The following TCF12 variants were observed in gnomAD, a reference collection of about 807,000 sequenced individuals.
TCF12 encodes the protein DNA-binding protein HTF4.
In TCF12, 45 loss-of-function variants were observed where a neutral mutation model predicts 86.0. That is an observed-to-expected ratio of 0.52 (90% CI 0.41 to 0.67). TCF12 has a LOEUF of 0.67. Among genes scored for constraint, TCF12 ranks in the 30% least tolerant of loss-of-function variants. The pLI, the probability that TCF12 is intolerant of heterozygous loss-of-function variation, is 0.00. For synonymous variants in TCF12, 330 were observed against 299.6 expected (o/e 1.10, Z -1.05); for missense variants, 881 against 859.9 (o/e 1.02, Z -0.31).
chr15:57,040,934 T>A (rs2066857924), intron 3 of TCF12, among the ~76,000 whole-genome samples: 1 of 152,200 alleles, frequency 6.6e-6, no homozygotes, highest in East Asian at 1.9e-4. Context: ...TTTTAACATT[T>A]CCTCATAGTG....
chr15:57,138,601 C>T (rs374894473), intron 5 of TCF12, among the ~76,000 whole-genome samples: 1 of 152,186 alleles, frequency 6.6e-6, no homozygotes, highest in African/African-American at 2.4e-5. Context: ...ACTTTATAAA[C>T]CATTCTAACA....
chr15:57,209,793 G>A (rs1307765852), intron 8 of TCF12, among the ~76,000 whole-genome samples: 1 of 152,092 alleles, frequency 6.6e-6, no homozygotes, highest in African/African-American at 2.4e-5. Context: ...TAAGACACCT[G>A]CCACCTTTCA....
intron 3 of TCF12, among the ~76,000 whole-genome samples, chr15:56,928,756 G>A (rs1182526244): frequency 2.0e-5 from 3 of 152,154 alleles, no homozygotes; most frequent in Non-Finnish European, 2.9e-5. Flanking sequence ...CCACTTGAAT[G>A]TAGCATTTTG....
intron 4 of TCF12, among the ~76,000 whole-genome samples, chr15:57,066,419 A>G (rs1266440209): frequency 3.3e-5 from 5 of 152,090 alleles, no homozygotes. Context: ...AAAATTTGTC[A>G]ACTTAAACAA....
intron 3 of TCF12, among the ~76,000 whole-genome samples, chr15:56,987,069 A>G (rs2063218529): frequency 1.3e-5 from 2 of 152,084 alleles, no homozygotes; most frequent in African/African-American, 4.8e-5. Context: ...TCTACTTGCA[A>G]CATGCAGTAA....
chr15:57,060,133 G>C (rs1177193160), intron 3 of TCF12, among the ~76,000 whole-genome samples: 3 of 152,132 alleles, frequency 2.0e-5, no homozygotes, highest in Non-Finnish European at 4.4e-5. Context: ...CCTTCTTTAA[G>C]GTATCAGCCT....
In TCF12 at chr15:56,957,701, A is replaced by G. The variant is rs116124095; in HGVS notation, c.148+36603A>G. Among the ~76,000 whole-genome samples the G allele has an allele frequency of 4.8e-3, 733 of 152,130 alleles. 8 individuals carry two copies. Among genetic ancestry groups the G allele is most frequent in the African/African-American group, 0.017 (704 of 41,520 alleles). The stretch of plus-strand genomic sequence containing the variant: ...TAATTGATTAATTTTGTCCCTCTAT[A>G]TGGTTTATACTTTTTTCTTTTTTAT... On this transcript the variant is annotated intron_variant, in intron 3 of 20. Coordinates refer to ENST00000333725, the MANE Select transcript of TCF12 (RefSeq NM_207037.2).
rs1236534665 is a variant in TCF12 at position 57,239,598 on chromosome 15, T to C, written c.1036-3874T>C. 2.7e-5 allele frequency among the ~76,000 whole-genome samples: 4 copies of C among 150,136 alleles called. No individual in the cohort carries two copies. In the East Asian group the frequency reaches 7.9e-4, roughly 30 times the overall value. On this transcript the variant is annotated intron_variant, in intron 12 of 20. Transcript: ENST00000333725. The stretch of plus-strand genomic sequence containing the variant: ...GGAAAGAGAGGGGAGTAACTAGAAA[T>C]ATAAACACTTAAGTAGTCCAGCCGC...
At chr15:57,062,513 T>C (rs2068534755) in intron 3 of TCF12, among the ~76,000 whole-genome samples, 1 of 152,162 alleles carries the variant, frequency 6.6e-6, no homozygotes, top group African/African-American at 2.4e-5. Context: ...ATAAAAATAA[T>C]AGAGTCCTAA....
At chr15:56,958,288 G>A (rs116111524) in intron 3 of TCF12, among the ~76,000 whole-genome samples, 1,759 of 152,248 alleles carry the variant, frequency 0.012, 32 homozygotes, top group African/African-American at 0.04. Context: ...TAGTAAGTTT[G>A]TGTGTTTGTG....
At chr15:56,995,231 CTTTTTTTTTTTTTTT>C (rs557610511) in intron 3 of TCF12, among the ~76,000 whole-genome samples, 9 of 30,282 alleles carry the variant, frequency 3.0e-4, no homozygotes, top group South Asian at 2.7e-3. Context: ...ATACCTGCAG[CTTTTTTTTTTTTTTT>C]TTTTTTTTTT....
chr15:57,132,753 C>T (rs1166559928), intron 5 of TCF12, among the ~76,000 whole-genome samples: 1 of 152,154 alleles, frequency 6.6e-6, no homozygotes, highest in Non-Finnish European at 1.5e-5. Context: ...ATCAGTTATT[C>T]ATAATACTAA....
chr15:57,263,133 G>T lies in TCF12; in HGVS notation c.1604G>T (p.Gly535Val). The change falls in exon 18 of 21, where the codon GGA becomes GTA. Residue 535 changes from glycine (G) to valine (V), a missense_variant. Physicochemically the swap from Gly to Val is moderately radical, Grantham distance 109. Coordinates refer to ENST00000333725, the MANE Select transcript of TCF12 (RefSeq NM_207037.2). ...NYRGGLQSQS[G>V]TVVTTEIKTE... ...TTAGGTGGCTTGCAAAGTCAGTCTG[G>T]AACTGTTGTTACAACAGAAATCAAG... is the stretch of plus-strand genomic sequence containing the variant. The T allele has an allele frequency of 6.2e-7, 1 of 1,610,250 alleles. No individual in the cohort carries two copies. The highest frequency in any genetic ancestry group is 8.5e-7 in the Non-Finnish European group (1 of 1,179,126).
chr15:57,172,337 A>G (rs2055572792), intron 6 of TCF12, among the ~76,000 whole-genome samples: 1 of 152,232 alleles, frequency 6.6e-6, no homozygotes, highest in African/African-American at 2.4e-5. Context: ...CAGAATAACT[A>G]GACAAAAAAC....
chr15:57,058,812 ATGTC>A (rs1188848661), intron 3 of TCF12, among the ~76,000 whole-genome samples: 2 of 152,188 alleles, frequency 1.3e-5, no homozygotes, highest in African/African-American at 2.4e-5. Context: ...TTCACAATGA[ATGTC>A]TGGGAAAATA....
At chr15:56,926,148 C>A (rs1231558315) in intron 3 of TCF12, among the ~76,000 whole-genome samples, 1 of 151,944 alleles carries the variant, frequency 6.6e-6, no homozygotes, top group African/African-American at 2.4e-5. Context: ...CCTGTCTCTA[C>A]CAAAAATACA....
intron 3 of TCF12, among the ~76,000 whole-genome samples, chr15:56,988,279 G>A (rs572538713): frequency 1.3e-5 from 2 of 152,184 alleles, no homozygotes; most frequent in African/African-American, 4.8e-5. Context: ...AACCTAGGGG[G>A]TATATAGCCT....
intron 3 of TCF12, among the ~76,000 whole-genome samples, chr15:57,037,715 T>C (rs1256899781): frequency 6.6e-6 from 1 of 152,252 alleles, no homozygotes; most frequent in East Asian, 1.9e-4. Flanking sequence ...TGAAGGGTAG[T>C]ATCAATTTTA....
chr15:57,091,910 G>A lies in TCF12; in HGVS notation c.325+19G>A. The A allele has an allele frequency of 6.3e-7, 1 of 1,595,120 alleles. No homozygotes were observed. The highest frequency in any genetic ancestry group is 8.6e-7 in the Non-Finnish European group (1 of 1,163,128). ...CTGATGGGTAAGTTGGTAATTCTCT[G>A]CAAGTAGTCTTCTCAAAGCTTCTTT... On this transcript the variant is annotated intron_variant, in intron 5 of 20. Transcript: ENST00000333725.
Sources: allele counts gnomAD v4.1 joint callset (sites outside exome capture counted in the v4.1 genomes callset), GRCh38; gene constraint gnomAD v4.1.1; transcripts MANE v1.5; gene names NCBI Gene and HGNC (gene_info 2026-07-23, HGNC 2026-07-21).